Variants in BRD10 observed in about 807,000 individuals in gnomAD.
BRD10 encodes bromodomain containing 10, also known as uncharacterized bromodomain-containing protein 10.
the BRD10 span, among the ~76,000 whole-genome samples, chr9:5,886,330 G>C: frequency 2.0e-5 from 3 of 152,008 alleles, no homozygotes; most frequent in African/African-American, 7.2e-5. Context: ...AGGTCTAGCA[G>C]GTACAAATCC....
At chr9:5,988,163 CAAGAT>C in the BRD10 span, among the ~76,000 whole-genome samples, 1 of 152,042 alleles carries the variant, frequency 6.6e-6, no homozygotes, top group African/African-American at 2.4e-5. Context: ...TGTATAGCTT[CAAGAT>C]AAGTGGTTTT....
chr9:6,006,489 CTT>C, the BRD10 span, among the ~76,000 whole-genome samples: 1 of 152,192 alleles, frequency 6.6e-6, no homozygotes, highest in Non-Finnish European at 1.5e-5. Context: ...GTATCCTCCT[CTT>C]GTGTTAAATA....
chr9:5,881,960 T>C, the BRD10 span, among the ~76,000 whole-genome samples: 1 of 152,204 alleles, frequency 6.6e-6, no homozygotes, highest in Admixed American at 6.5e-5. Flanking sequence ...GAACCAGTGG[T>C]TGTGTCAGAC....
At chr9:5,971,335 G>A in the BRD10 span, among the ~76,000 whole-genome samples, 1 of 152,080 alleles carries the variant, frequency 6.6e-6, no homozygotes, top group Non-Finnish European at 1.5e-5. Flanking sequence ...TTTTGAAAAC[G>A]TTACTATGTG....
the BRD10 span, among the ~76,000 whole-genome samples, chr9:5,882,461 AC>A: frequency 6.6e-6 from 1 of 152,126 alleles, no homozygotes; most frequent in African/African-American, 2.4e-5. Flanking sequence ...GACAAATTGA[AC>A]CCTGACAAAT....
chr9:5,975,659 G>T, the BRD10 span, among the ~76,000 whole-genome samples: 1 of 151,998 alleles, frequency 6.6e-6, no homozygotes, highest in East Asian at 1.9e-4. Context: ...AAAGATTAGT[G>T]AACTTGAAGA....
chr9:6,007,127 T>A, the BRD10 span: 74 of 1,501,186 alleles, frequency 4.9e-5, no homozygotes, highest in Admixed American at 1.1e-3. Flanking sequence ...GCCCAGCCCA[T>A]CCTCGGGCAC....
chr9:5,915,668 C>T, the BRD10 span, among the ~76,000 whole-genome samples: 7 of 152,298 alleles, frequency 4.6e-5, no homozygotes, highest in African/African-American at 1.7e-4. Flanking sequence ...ACAAATGCCA[C>T]CTCTTACATG....
chr9:5,889,433 A>T, the BRD10 span, among the ~76,000 whole-genome samples: 1 of 152,232 alleles, frequency 6.6e-6, no homozygotes, highest in African/African-American at 2.4e-5. Flanking sequence ...AGGAATAAAC[A>T]AACTTATTTT....
chr9:5,994,031 C>G, the BRD10 span, among the ~76,000 whole-genome samples: 1 of 152,180 alleles, frequency 6.6e-6, no homozygotes, highest in African/African-American at 2.4e-5. Flanking sequence ...TGTGCTACAA[C>G]AGCCATTAAA....
chr9:5,968,338 TGGACTG>T, the BRD10 span: 80 of 1,609,794 alleles, frequency 5.0e-5, 1 homozygote, highest in Admixed American at 1.3e-3. Context: ...TTTCTTTTAA[TGGACTG>T]GGTTCAATCT....
the BRD10 span, among the ~76,000 whole-genome samples, chr9:5,905,121 C>T: frequency 5.3e-5 from 8 of 152,130 alleles, no homozygotes; most frequent in African/African-American, 1.9e-4. Flanking sequence ...GAGTTTGCAA[C>T]ATACATTTAC....
At chr9:5,902,928 C>G in the BRD10 span, among the ~76,000 whole-genome samples, 4 of 152,178 alleles carry the variant, frequency 2.6e-5, no homozygotes, top group African/African-American at 9.7e-5. Flanking sequence ...GATTTTAGAT[C>G]TTTCTTCTTC....
At chr9:5,883,613 G>A in the BRD10 span, among the ~76,000 whole-genome samples, 123 of 151,612 alleles carry the variant, frequency 8.1e-4, 1 homozygote, top group Non-Finnish European at 1.3e-3. Context: ...CCACAGGTGC[G>A]CACCAACATG....
At chr9:5,953,697 TACACAC>T in the BRD10 span, among the ~76,000 whole-genome samples, 1 of 150,778 alleles carries the variant, frequency 6.6e-6, no homozygotes, top group Non-Finnish European at 1.5e-5. Flanking sequence ...TATATATACA[TACACAC>T]ACACACACAT....
chr9:5,893,828 C>A, the BRD10 span, among the ~76,000 whole-genome samples: 1 of 152,116 alleles, frequency 6.6e-6, no homozygotes, highest in African/African-American at 2.4e-5. Flanking sequence ...ATCTTGCCAA[C>A]AGAAAGCAGG....
At chr9:6,008,360 G>A in the BRD10 span, 4 of 980,056 alleles carry the variant, frequency 4.1e-6, no homozygotes, top group Non-Finnish European at 3.6e-6. Flanking sequence ...CCGCTGGGCG[G>A]TGAGGGGGGA....
the BRD10 span, among the ~76,000 whole-genome samples, chr9:5,939,453 A>C: frequency 6.6e-6 from 1 of 152,226 alleles, no homozygotes; most frequent in Non-Finnish European, 1.5e-5. Flanking sequence ...TCCTATACTA[A>C]GGGAAGCTAA....
chr9:5,980,724 GTT>G, the BRD10 span, among the ~76,000 whole-genome samples: 9 of 152,030 alleles, frequency 5.9e-5, no homozygotes, highest in East Asian at 1.4e-3. Flanking sequence ...CTACTTTTTA[GTT>G]TGTGTCTGCC....
Sources: allele counts gnomAD v4.1 joint callset (sites outside exome capture counted in the v4.1 genomes callset), GRCh38; gene constraint gnomAD v4.1.1; transcripts MANE v1.5; gene names NCBI Gene and HGNC (gene_info 2026-07-23, HGNC 2026-07-21).